PLPPR1: variants seen among roughly 807,000 people sequenced by gnomAD.
PLPPR1 encodes phospholipid phosphatase-related protein type 1.
In PLPPR1, 10 loss-of-function variants were observed where a neutral mutation model predicts 33.1. That is an observed-to-expected ratio of 0.30 (90% confidence interval 0.19 to 0.51). PLPPR1 has a LOEUF of 0.51. Ranked by LOEUF, PLPPR1 falls within the 20% of genes least tolerant of loss-of-function variation. The pLI is 0.97. For missense variants in PLPPR1, 304 were observed against 408.1 expected, an observed-to-expected ratio of 0.74 and a Z score of 2.20; for synonymous variants, 151 against 151.0, an observed-to-expected ratio of 1.00 and a Z score of 0.00.
intron 1 of PLPPR1, among the ~76,000 whole-genome samples, chr9:101,119,720 G>T (rs1831156889): frequency 6.6e-6 from 1 of 152,176 alleles, no homozygotes; most frequent in African/African-American, 2.4e-5. Context: ...GGCCAGAGCT[G>T]GATGAGATGC....
chr9:101,182,861 T>C (rs1279914459), intron 1 of PLPPR1, among the ~76,000 whole-genome samples: 1 of 151,566 alleles, frequency 6.6e-6, no homozygotes, highest in East Asian at 1.9e-4. Context: ...CAAAAGAATA[T>C]ATAAAAATGG....
intron 4 of PLPPR1, among the ~76,000 whole-genome samples, chr9:101,295,111 T>G (rs2118930867): frequency 6.6e-6 from 1 of 152,120 alleles, no homozygotes; most frequent in East Asian, 1.9e-4. Context: ...AGTCTCAGGA[T>G]ACAAAATCAA....
chr9:101,157,422 G>C (rs1219347255), intron 1 of PLPPR1, among the ~76,000 whole-genome samples: 1 of 152,100 alleles, frequency 6.6e-6, no homozygotes, highest in South Asian at 2.1e-4. Flanking sequence ...AAATATGTCC[G>C]GTTGGGTGGT....
intron 3 of PLPPR1, among the ~76,000 whole-genome samples, chr9:101,278,437 C>A (rs1828236539): frequency 6.6e-6 from 1 of 152,094 alleles, no homozygotes; most frequent in Non-Finnish European, 1.5e-5. Flanking sequence ...GCTAAGTAAA[C>A]CAGGCGAGAG....
At chr9:101,322,484 GTGTCCTTGAGCTTTC>G (rs1829172678) in intron 7 of PLPPR1, 1 of 151,922 alleles carries the variant, frequency 6.6e-6, no homozygotes, top group Non-Finnish European at 1.5e-5. Flanking sequence ...AAGAAAAAAA[GTGTCCTTGAGCTTTC>G]TGTCTGATTG....
chr9:101,119,083 C>T (rs557372836), intron 1 of PLPPR1, among the ~76,000 whole-genome samples: 3 of 152,286 alleles, frequency 2.0e-5, no homozygotes, highest in Non-Finnish European at 4.4e-5. Context: ...CCAAATTGGA[C>T]ATGCAGCACC....
At chr9:101,125,633 TG>T in intron 1 of PLPPR1, 1 of 570,234 alleles carries the variant, frequency 1.8e-6, no homozygotes. Context: ...CTCAATTTCC[TG>T]GAATAAGTTG....
chr9:101,295,227 A>T (rs1356020608), intron 4 of PLPPR1, among the ~76,000 whole-genome samples: 2 of 151,984 alleles, frequency 1.3e-5, no homozygotes, highest in Non-Finnish European at 2.9e-5. Flanking sequence ...TAAAATACCT[A>T]GGAATCCAAC....
intron 2 of PLPPR1, among the ~76,000 whole-genome samples, chr9:101,205,923 A>T (rs1273241698): frequency 6.6e-6 from 1 of 152,176 alleles, no homozygotes; most frequent in Non-Finnish European, 1.5e-5. Context: ...AGTTATCATA[A>T]TCTTTCCTAT....
intron 1 of PLPPR1, among the ~76,000 whole-genome samples, chr9:101,074,307 C>G (rs181664328): frequency 6.6e-6 from 1 of 152,166 alleles, no homozygotes; most frequent in East Asian, 1.9e-4. Flanking sequence ...AGAAATAGAT[C>G]TAATAGATAA....
chr9:101,051,549 C>T (rs1830223523), intron 1 of PLPPR1, among the ~76,000 whole-genome samples: 1 of 152,206 alleles, frequency 6.6e-6, no homozygotes, highest in South Asian at 2.1e-4. Context: ...CTGGTGTGCA[C>T]TTGTCAAAGT....
intron 1 of PLPPR1, among the ~76,000 whole-genome samples, chr9:101,094,172 G>A (rs978338552): frequency 9.9e-5 from 15 of 152,176 alleles, no homozygotes; most frequent in African/African-American, 2.7e-4. Flanking sequence ...CTTTCTTAAA[G>A]ACCTTCAGTG....
intron 1 of PLPPR1, among the ~76,000 whole-genome samples, chr9:101,165,016 C>T (rs749954212): frequency 1.3e-5 from 2 of 152,094 alleles, no homozygotes; most frequent in East Asian, 1.9e-4. Context: ...TTGGAACAAT[C>T]GTAAATATCT....
At chr9:101,212,302 C>T (rs569389900) in intron 2 of PLPPR1, among the ~76,000 whole-genome samples, 3 of 152,200 alleles carry the variant, frequency 2.0e-5, no homozygotes, top group Admixed American at 6.5e-5. Context: ...AGGCTGTTCT[C>T]AAACTCCTGA....
chr9:101,041,782 C>T (rs563718099), intron 1 of PLPPR1, among the ~76,000 whole-genome samples: 11 of 152,170 alleles, frequency 7.2e-5, no homozygotes, highest in South Asian at 6.3e-4. Flanking sequence ...TCTGAGTCTC[C>T]GTCTCTGTGG....
At chr9:101,055,171 G>T (rs1830266114) in intron 1 of PLPPR1, among the ~76,000 whole-genome samples, 1 of 152,154 alleles carries the variant, frequency 6.6e-6, no homozygotes, top group South Asian at 2.1e-4. Context: ...TTCCTTGAAG[G>T]ATTTTTGCAT....
chr9:101,141,251 A>G (rs1283487666), intron 1 of PLPPR1, among the ~76,000 whole-genome samples: 5 of 152,174 alleles, frequency 3.3e-5, no homozygotes, highest in Non-Finnish European at 7.4e-5. Flanking sequence ...AGTATTGGCT[A>G]TGTTTCATGT....
intron 1 of PLPPR1, among the ~76,000 whole-genome samples, chr9:101,117,472 G>T (rs1425525233): frequency 2.0e-5 from 3 of 152,156 alleles, no homozygotes; most frequent in African/African-American, 7.2e-5. Flanking sequence ...CTAAAAAGGG[G>T]AGGAAGCTTC....
At chr9:101,162,953 G>A (rs539734443) in intron 1 of PLPPR1, among the ~76,000 whole-genome samples, 1 of 152,058 alleles carries the variant, frequency 6.6e-6, no homozygotes, top group Non-Finnish European at 1.5e-5. Context: ...AAGCCCCACC[G>A]GCTGACATAT....
Sources: gnomAD v4.1 joint callset for allele counts (sites outside exome capture counted in the v4.1 genomes callset) on GRCh38, gnomAD v4.1.1 for gene constraint, MANE v1.5 for transcripts, NCBI Gene and HGNC (gene_info 2026-07-23, HGNC 2026-07-21) for gene names.